The following RERE variants were observed in gnomAD, a reference collection of about 807,000 sequenced individuals.
RERE encodes arginine-glutamic acid dipeptide repeats protein.
A neutral mutation model predicts 146.1 loss-of-function variants in RERE; 40 were observed. That is an observed-to-expected ratio of 0.27 (90% CI 0.21 to 0.36). The LOEUF (loss-of-function observed/expected upper bound fraction) is 0.36, where lower values mean the gene tolerates loss of function less well. Ranked by LOEUF, RERE falls within the 10% of genes least tolerant of loss-of-function variation. The pLI is 1.00. For synonymous variants in RERE, 1,003 were observed against 866.0 expected, an observed-to-expected ratio of 1.16 and a Z score of -2.78; for missense variants, 1,933 against 2,138.7, an observed-to-expected ratio of 0.90 and a Z score of 1.90.
chr1:8,571,618 CTTAA>C (rs1646222360), intron 4 of RERE, among the ~76,000 whole-genome samples: 1 of 152,204 alleles, frequency 6.6e-6, no homozygotes, highest in Non-Finnish European at 1.5e-5. Context: ...TCTTAAATAT[CTTAA>C]TTATTTCTTC....
intron 12 of RERE, among the ~76,000 whole-genome samples, chr1:8,408,067 A>G (rs1643501985): frequency 6.6e-6 from 1 of 152,200 alleles, no homozygotes; most frequent in African/African-American, 2.4e-5. Flanking sequence ...CTTGGGAGGA[A>G]GAAATGCAAA....
At chr1:8,437,842 GC>G (rs1005570406) in intron 11 of RERE, among the ~76,000 whole-genome samples, 32 of 152,156 alleles carry the variant, frequency 2.1e-4, no homozygotes, top group Middle Eastern at 3.4e-3. Flanking sequence ...TCAGATTACT[GC>G]TAACCCAGGC....
chr1:8,355,220 C>T lies in RERE; in HGVS notation c.4668-100G>A. On this transcript the variant is annotated intron_variant, in intron 22 of 22. Coordinates refer to ENST00000400908, the MANE Select transcript of RERE (RefSeq NM_001042681.2). ...AAAGACAACAGCCAGGCAATCCAAC[C>T]CCAAGCCCGCAGCCTCCTGTGTAGC... The T allele has an allele frequency of 9.2e-6, 12 of 1,311,324 alleles. No individual in the cohort carries two copies. In the Middle Eastern group the frequency reaches 1.1e-3, roughly 121 times the overall value. 81.2% of individuals were successfully genotyped at this position (1,311,324 alleles called of 1,614,324 possible). A position where few individuals can be genotyped will look rare whatever the true frequency, so the allele number is the denominator to read the frequency against.
At chr1:8,528,759 C>T (rs943482137) in intron 7 of RERE, among the ~76,000 whole-genome samples, 21 of 152,162 alleles carry the variant, frequency 1.4e-4, no homozygotes, top group Admixed American at 5.9e-4. Flanking sequence ...TAACCCCAAG[C>T]GTTTCAGGTA....
At chr1:8,435,368 G>T (rs1644155581) in intron 11 of RERE, among the ~76,000 whole-genome samples, 1 of 152,178 alleles carries the variant, frequency 6.6e-6, no homozygotes, top group African/African-American at 2.4e-5. Flanking sequence ...ACAACCACTG[G>T]TTCAGTACAA....
At chr1:8,362,391 G>C (rs558802984) in intron 16 of RERE, among the ~76,000 whole-genome samples, 1 of 152,184 alleles carries the variant, frequency 6.6e-6, no homozygotes, top group South Asian at 2.1e-4. Context: ...TGGATACCAA[G>C]GGAGGACTGT....
At chr1:8,587,776 C>T (rs1646443559) in intron 4 of RERE, among the ~76,000 whole-genome samples, 1 of 152,174 alleles carries the variant, frequency 6.6e-6, no homozygotes, top group African/African-American at 2.4e-5. Context: ...CAAAAATATT[C>T]TGCCTCTATT....
At chr1:8,357,329 G>A (rs1283931854) in intron 20 of RERE, among the ~76,000 whole-genome samples, 1 of 152,260 alleles carries the variant, frequency 6.6e-6, no homozygotes, top group Non-Finnish European at 1.5e-5. Context: ...CAGAGCTTCA[G>A]ATATGAGGAC....
intron 1 of RERE, among the ~76,000 whole-genome samples, chr1:8,688,718 T>C (rs1007269290): frequency 2.8e-4 from 43 of 152,208 alleles, no homozygotes; most frequent in Non-Finnish European, 4.1e-4. Flanking sequence ...GTCTGTCCAT[T>C]TGTCCATCCA....
chr1:8,796,446 T>C (rs1485879772), intron 1 of RERE: 1 of 151,998 alleles, frequency 6.6e-6, no homozygotes, highest in Non-Finnish European at 1.5e-5. Flanking sequence ...AAATCCACTT[T>C]AATCAAAACT....
intron 12 of RERE, among the ~76,000 whole-genome samples, chr1:8,406,959 C>T (rs1401685892): frequency 2.0e-5 from 3 of 152,142 alleles, no homozygotes; most frequent in Non-Finnish European, 2.9e-5. Context: ...ACAAAACACC[C>T]GACACCCGAG....
intron 11 of RERE, among the ~76,000 whole-genome samples, chr1:8,461,147 G>A (rs1485999178): frequency 6.6e-6 from 1 of 151,610 alleles, no homozygotes; most frequent in East Asian, 1.9e-4. Flanking sequence ...GGGCCTTTAT[G>A]TTATATTTGA....
chr1:8,422,902 CA>C, intron 11 of RERE, 95 bp from the exon 12 acceptor site: 3 of 921,622 alleles, frequency 3.3e-6, no homozygotes, highest in Non-Finnish European at 1.7e-6. Context: ...ATAACAACCA[CA>C]AAAAAAGTCT....
intron 1 of RERE, among the ~76,000 whole-genome samples, chr1:8,689,685 GGA>G (rs955825067): frequency 1.3e-5 from 2 of 151,454 alleles, no homozygotes; most frequent in African/African-American, 4.9e-5. Context: ...ATCACCACAG[GGA>G]CTAAAAATAA....
chr1:8,432,886 C>T (rs548497667), intron 11 of RERE, among the ~76,000 whole-genome samples: 21 of 152,138 alleles, frequency 1.4e-4, no homozygotes, highest in Non-Finnish European at 2.1e-4. Flanking sequence ...CTTGGACTCT[C>T]AGTGCAGAAA....
intron 4 of RERE, among the ~76,000 whole-genome samples, chr1:8,591,423 T>G (rs1451193600): frequency 7.0e-6 from 1 of 142,500 alleles, no homozygotes; most frequent in African/African-American, 2.5e-5. Flanking sequence ...GCACTCTTTT[T>G]GCTTTAAAAA....
intron 1 of RERE, among the ~76,000 whole-genome samples, chr1:8,790,289 T>C (rs1409054714): frequency 1.3e-5 from 2 of 152,144 alleles, no homozygotes; most frequent in Non-Finnish European, 2.9e-5. Flanking sequence ...AAATTAAACA[T>C]GAGGAAAAAC....
At chr1:8,666,442 A>G (rs965737890) in intron 1 of RERE, among the ~76,000 whole-genome samples, 1 of 152,204 alleles carries the variant, frequency 6.6e-6, no homozygotes, top group Non-Finnish European at 1.5e-5. Context: ...CCTCCAAGAG[A>G]AGCAGCTGCA....
chr1:8,501,332 T>G (rs1433026352), intron 8 of RERE, among the ~76,000 whole-genome samples: 24 of 51,518 alleles, frequency 4.7e-4, no homozygotes, highest in South Asian at 6.7e-4. Context: ...GGGAGGGAGG[T>G]GGGGGGTCAG....
Sources: allele counts gnomAD v4.1 joint callset (sites outside exome capture counted in the v4.1 genomes callset), GRCh38; gene constraint gnomAD v4.1.1; transcripts MANE v1.5; gene names NCBI Gene and HGNC (gene_info 2026-07-23, HGNC 2026-07-21).